The following LINGO2 variants were observed in gnomAD, a reference collection of about 807,000 sequenced individuals.
The protein encoded by LINGO2 is leucine-rich repeat and immunoglobulin-like domain-containing nogo receptor-interacting protein 2.
In LINGO2, 14 loss-of-function variants were observed where a neutral mutation model predicts 30.6. That is an observed-to-expected ratio of 0.46 (90% CI 0.30 to 0.72). The LOEUF (loss-of-function observed/expected upper bound fraction) is 0.72. LINGO2 is among the 30% of genes least tolerant of loss of function. The pLI, the probability that LINGO2 is intolerant of heterozygous loss-of-function variation, is 0.07. For missense variants in LINGO2, 729 were observed against 751.7 expected (o/e 0.97, Z 0.35); for synonymous variants, 317 against 288.5 (o/e 1.10, Z -1.00).
chr9:28,655,648 T>C (rs1326421031), intron 1 of LINGO2, among the ~76,000 whole-genome samples: 2 of 152,010 alleles, frequency 1.3e-5, no homozygotes, highest in Non-Finnish European at 2.9e-5. Flanking sequence ...AATTGCATCA[T>C]GGGGGCAGTT....
At chr9:28,139,233 C>T (rs575934563) in intron 4 of LINGO2, among the ~76,000 whole-genome samples, 59 of 149,460 alleles carry the variant, frequency 3.9e-4, no homozygotes, top group South Asian at 1.5e-3. Context: ...GAGACATAAC[C>T]CTGGCCATTG....
At chr9:29,184,976 A>C in the LINGO2 span, among the ~76,000 whole-genome samples, 1 of 152,302 alleles carries the variant, frequency 6.6e-6, no homozygotes, top group Admixed American at 6.5e-5. Flanking sequence ...GATTAAAAAT[A>C]ATAATCTTTT....
At chr9:27,965,240 A>G (rs1332682225) in intron 5 of LINGO2, among the ~76,000 whole-genome samples, 2 of 151,958 alleles carry the variant, frequency 1.3e-5, no homozygotes, top group African/African-American at 4.8e-5. Flanking sequence ...TAAGGGAACA[A>G]GTATTTCTAT....
intron 3 of LINGO2, among the ~76,000 whole-genome samples, chr9:28,320,490 C>T (rs1250325201): frequency 6.6e-6 from 1 of 152,122 alleles, no homozygotes; most frequent in Non-Finnish European, 1.5e-5. Flanking sequence ...GTGTGTGCTG[C>T]TCTTAGGCTC....
At chr9:27,966,680 A>G (rs969072443) in intron 5 of LINGO2, among the ~76,000 whole-genome samples, 5 of 152,098 alleles carry the variant, frequency 3.3e-5, no homozygotes, top group African/African-American at 1.2e-4. Context: ...TGGCACATAT[A>G]TACCTATGTA....
intron 1 of LINGO2, among the ~76,000 whole-genome samples, chr9:28,642,265 A>G (rs1827627712): frequency 6.6e-6 from 1 of 152,114 alleles, no homozygotes; most frequent in African/African-American, 2.4e-5. Context: ...ATTTCAGTAA[A>G]CATATTCTGC....
At chr9:29,023,769 A>G in the LINGO2 span, among the ~76,000 whole-genome samples, 3 of 152,194 alleles carry the variant, frequency 2.0e-5, no homozygotes, top group African/African-American at 7.2e-5. Flanking sequence ...TTAAATCTAA[A>G]GGCAAGTAAT....
At chr9:28,243,037 A>G (rs1046287655) in intron 4 of LINGO2, among the ~76,000 whole-genome samples, 2 of 152,194 alleles carry the variant, frequency 1.3e-5, no homozygotes, top group South Asian at 2.1e-4. Flanking sequence ...TATAAACACC[A>G]TTGACATCAT....
chr9:28,616,096 T>C (rs1382988279), intron 1 of LINGO2, among the ~76,000 whole-genome samples: 1 of 152,102 alleles, frequency 6.6e-6, no homozygotes, highest in East Asian at 1.9e-4. Context: ...TATGTTCAAT[T>C]TGTGAAAGTT....
chr9:28,460,250 C>A (rs1825024720), intron 2 of LINGO2, among the ~76,000 whole-genome samples: 1 of 152,158 alleles, frequency 6.6e-6, no homozygotes, highest in South Asian at 2.1e-4. Context: ...ACATTATGCA[C>A]AACACTCACA....
At chr9:28,332,516 A>T (rs555950980) in intron 3 of LINGO2, among the ~76,000 whole-genome samples, 7 of 152,146 alleles carry the variant, frequency 4.6e-5, no homozygotes, top group Middle Eastern at 3.4e-3. Flanking sequence ...ACACTTCTCA[A>T]ATCATCCTAG....
At chr9:28,303,384 C>A (rs1158483656) in intron 3 of LINGO2, among the ~76,000 whole-genome samples, 1 of 152,064 alleles carries the variant, frequency 6.6e-6, no homozygotes, top group Non-Finnish European at 1.5e-5. Context: ...TGACCTAACT[C>A]AACTAACATG....
the LINGO2 span, among the ~76,000 whole-genome samples, chr9:29,172,756 GA>G: frequency 2.2e-4 from 33 of 149,192 alleles, no homozygotes; most frequent in South Asian, 4.7e-3. Context: ...AAAACAATCA[GA>G]AAAAAAAATA....
intron 4 of LINGO2, among the ~76,000 whole-genome samples, chr9:28,242,000 C>G (rs1407441387): frequency 6.6e-6 from 1 of 151,500 alleles, no homozygotes; most frequent in East Asian, 1.9e-4. Context: ...TAGAAAAAAT[C>G]ATGAAGATGA....
chr9:28,236,964 T>C (rs190598731), intron 4 of LINGO2, among the ~76,000 whole-genome samples: 3 of 152,258 alleles, frequency 2.0e-5, no homozygotes, highest in Admixed American at 2.0e-4. Context: ...GTGATTATTA[T>C]GCATTGCATG....
At chr9:29,207,076 T>C in the LINGO2 span, among the ~76,000 whole-genome samples, 2 of 151,900 alleles carry the variant, frequency 1.3e-5, no homozygotes, top group East Asian at 1.9e-4. Flanking sequence ...TACATACATA[T>C]ATACATAGAG....
At chr9:28,747,623 A>G in the LINGO2 span, among the ~76,000 whole-genome samples, 2 of 152,070 alleles carry the variant, frequency 1.3e-5, no homozygotes, top group Admixed American at 6.5e-5. Context: ...GCCCGTCTGC[A>G]TGCTCCCTCT....
intron 3 of LINGO2, among the ~76,000 whole-genome samples, chr9:28,299,774 C>A (rs951993341): frequency 3.3e-5 from 5 of 152,044 alleles, no homozygotes; most frequent in Non-Finnish European, 7.4e-5. Context: ...GAGACTGAAT[C>A]TGAAAGATTC....
intron 2 of LINGO2, among the ~76,000 whole-genome samples, chr9:28,454,278 A>G (rs572291129): frequency 3.9e-5 from 6 of 152,134 alleles, no homozygotes; most frequent in Admixed American, 3.3e-4. Context: ...TCCTTTTATG[A>G]CACTTTGCTA....
Sources: gnomAD v4.1 joint callset for allele counts (sites outside exome capture counted in the v4.1 genomes callset) on GRCh38, gnomAD v4.1.1 for gene constraint, MANE v1.5 for transcripts, NCBI Gene and HGNC (gene_info 2026-07-23, HGNC 2026-07-21) for gene names.